The following ARFGEF3 variants were observed in gnomAD, a reference collection of about 807,000 sequenced individuals.
The protein encoded by ARFGEF3 is brefeldin A-inhibited guanine nucleotide-exchange protein 3.
Under a neutral mutation model 221.7 loss-of-function variants are expected in ARFGEF3, and 96 were observed. The ratio of observed to expected loss-of-function variants is 0.43; its 90% CI spans 0.37 to 0.51. ARFGEF3 has a LOEUF of 0.51. ARFGEF3 is among the 20% of genes least tolerant of loss of function. The pLI is 0.00. For synonymous variants in ARFGEF3, 1,145 were observed against 1,126.8 expected, an observed-to-expected ratio of 1.02 and a Z score of -0.32; for missense variants, 2,410 against 2,789.9, an observed-to-expected ratio of 0.86 and a Z score of 3.07.
intron 22 of ARFGEF3, among the ~76,000 whole-genome samples, chr6:138,304,929 T>C (rs1449465172): frequency 6.6e-6 from 1 of 152,206 alleles, no homozygotes; most frequent in Non-Finnish European, 1.5e-5. Flanking sequence ...ACCAATAATC[T>C]CTGCTTGATC....
At chr6:138,319,601 AG>A in intron 27 of ARFGEF3, 101 bp from the exon 28 acceptor site, 1 of 786,692 alleles carries the variant, frequency 1.3e-6, no homozygotes, top group South Asian at 2.1e-5. Flanking sequence ...GCACTTTCTC[AG>A]CAAATGTAGG....
chr6:138,221,134 A>G (rs867416613), intron 4 of ARFGEF3, among the ~76,000 whole-genome samples: 4 of 152,220 alleles, frequency 2.6e-5, no homozygotes, highest in Middle Eastern at 3.4e-3. Flanking sequence ...ACCTCTTTCT[A>G]TAAGGTCTTT....
At chr6:138,310,217 A>C (rs998529843) in intron 24 of ARFGEF3, among the ~76,000 whole-genome samples, 1 of 152,208 alleles carries the variant, frequency 6.6e-6, no homozygotes, top group Non-Finnish European at 1.5e-5. Context: ...CACAGTCTAA[A>C]TTTTGGGACG....
At chr6:138,180,057 C>G (rs1308469893) in intron 2 of ARFGEF3, among the ~76,000 whole-genome samples, 1 of 152,214 alleles carries the variant, frequency 6.6e-6, no homozygotes, top group Non-Finnish European at 1.5e-5. Flanking sequence ...AAGCGATCCT[C>G]CCACCTTAGC....
chr6:138,307,422 C>T (rs749851686), intron 23 of ARFGEF3, 25 bp downstream of exon 23: 3 of 1,604,910 alleles, frequency 1.9e-6, no homozygotes, highest in African/African-American at 1.3e-5. Context: ...ATGATTCTTG[C>T]TATTCAGCAT....
In ARFGEF3 at chr6:138,278,623, T is replaced by C; in HGVS notation, c.2295+6T>C. The C allele has an allele frequency of 6.2e-7, 1 of 1,613,370 alleles. No individual in the cohort carries two copies. The highest frequency in any genetic ancestry group is 8.5e-7 in the Non-Finnish European group (1 of 1,179,662). Reference sequence around the variant, plus strand: ...CCCTGGCGCCAGGCGTGATGGTGAGTGTGCCGTCCCTCATTGGACTGGCAG... The same window carrying C: ...CCCTGGCGCCAGGCGTGATGGTGAGCGTGCCGTCCCTCATTGGACTGGCAG... On this transcript the variant is annotated splice_donor_region_variant and intron_variant, in intron 13 of 33. Transcript: ENST00000251691.
chr6:138,176,688 C>A (rs1160960926), intron 2 of ARFGEF3, among the ~76,000 whole-genome samples: 1 of 151,756 alleles, frequency 6.6e-6, no homozygotes, highest in South Asian at 2.1e-4. Flanking sequence ...TTCTCTTAAT[C>A]CTTTGATTGC....
intron 7 of ARFGEF3, among the ~76,000 whole-genome samples, chr6:138,243,719 GAA>G (rs66483625): frequency 6.7e-6 from 1 of 149,454 alleles, no homozygotes; most frequent in Admixed American, 6.7e-5. Context: ...GAGGAGGAGG[GAA>G]AAAAAAAGGG....
chr6:138,255,140 T>C (rs1406307261), intron 9 of ARFGEF3, among the ~76,000 whole-genome samples: 1 of 152,248 alleles, frequency 6.6e-6, no homozygotes, highest in Non-Finnish European at 1.5e-5. Flanking sequence ...TTATTTGTAG[T>C]AATATGAAAC....
intron 5 of ARFGEF3, among the ~76,000 whole-genome samples, chr6:138,237,610 C>G (rs1255714732): frequency 6.6e-6 from 1 of 152,168 alleles, no homozygotes; most frequent in East Asian, 1.9e-4. Flanking sequence ...AAATAGGCCA[C>G]CCTTGGTGTT....
chr6:138,293,870 T>A, intron 19 of ARFGEF3, 123 bp from the exon 20 acceptor site: 1 of 903,746 alleles, frequency 1.1e-6, no homozygotes, highest in Admixed American at 2.4e-5. Context: ...ATACCATACA[T>A]TTGTCTACAG....
chr6:138,260,891 A>G (rs1057007652), intron 10 of ARFGEF3, among the ~76,000 whole-genome samples: 23 of 152,158 alleles, frequency 1.5e-4, no homozygotes, highest in African/African-American at 5.5e-4. Context: ...AGAACACTCT[A>G]TTTGAAAACC....
At chr6:138,297,054 T>TG (rs1779539029) in intron 21 of ARFGEF3, 99 bp downstream of exon 21, 13 of 1,372,224 alleles carry the variant, frequency 9.5e-6, no homozygotes, top group Non-Finnish European at 1.3e-5. Context: ...CAAAGCACTG[T>TG]GGCCATTGGG....
chr6:138,302,293 G>A (rs1165783852), intron 22 of ARFGEF3, among the ~76,000 whole-genome samples: 1 of 152,110 alleles, frequency 6.6e-6, no homozygotes, highest in African/African-American at 2.4e-5. Flanking sequence ...GTTGAGAAGG[G>A]CAATAACTGA....
intron 25 of ARFGEF3, among the ~76,000 whole-genome samples, chr6:138,313,084 AT>A (rs1201716918): frequency 5.9e-5 from 9 of 152,226 alleles, no homozygotes; most frequent in South Asian, 4.2e-4. Flanking sequence ...TTTAGAAAGG[AT>A]TGTAGTTGGT....
chr6:138,303,874 A>AAAT (rs1448385092), intron 22 of ARFGEF3, among the ~76,000 whole-genome samples: 2 of 149,748 alleles, frequency 1.3e-5, no homozygotes, highest in Admixed American at 1.3e-4. Flanking sequence ...AAAAAAAAAA[A>AAAT]AAAAAAAAAA....
chr6:138,232,234 C>T (rs975472700), intron 5 of ARFGEF3, among the ~76,000 whole-genome samples: 2 of 152,162 alleles, frequency 1.3e-5, no homozygotes, highest in Non-Finnish European at 2.9e-5. Flanking sequence ...GGGCTGGGCA[C>T]GGTGGCTCAT....
chr6:138,281,540 C>G (rs1019061664), intron 14 of ARFGEF3, among the ~76,000 whole-genome samples: 1 of 152,184 alleles, frequency 6.6e-6, no homozygotes, highest in African/African-American at 2.4e-5. Flanking sequence ...TGTTTAGCTC[C>G]CGCTTACAAG....
At chr6:138,296,676 C>CT in intron 20 of ARFGEF3, 134 bp from the exon 21 acceptor site, 2 of 1,040,460 alleles carry the variant, frequency 1.9e-6, no homozygotes, top group Admixed American at 4.6e-5. Context: ...CCAGGGCTCC[C>CT]TCCTCCCTTG....
Sources: gnomAD v4.1 joint callset for allele counts (sites outside exome capture counted in the v4.1 genomes callset) on GRCh38, gnomAD v4.1.1 for gene constraint, MANE v1.5 for transcripts, NCBI Gene and HGNC (gene_info 2026-07-23, HGNC 2026-07-21) for gene names.